Variants in RSPRY1 observed in about 807,000 individuals in gnomAD.
The protein encoded by RSPRY1 is ring finger and SPRY domain containing 1.
Under a neutral mutation model 73.1 loss-of-function variants are expected in RSPRY1, and 23 were observed. The observed-to-expected ratio is 0.31, with a 90% CI of 0.23 to 0.45. The LOEUF (loss-of-function observed/expected upper bound fraction) is 0.45. RSPRY1 is among the 20% of genes least tolerant of loss of function. RSPRY1 has a pLI of 1.00. For missense variants in RSPRY1, 448 were observed against 698.7 expected (o/e 0.64, Z 4.05); for synonymous variants, 226 against 251.4 (o/e 0.90, Z 0.95).
intron 1 of RSPRY1, among the ~76,000 whole-genome samples, chr16:57,198,396 T>A (rs1203934532): frequency 3.4e-5 from 5 of 146,822 alleles, no homozygotes; most frequent in Non-Finnish European, 7.6e-5. Context: ...AAAAAAAAAA[T>A]TGTACTAAAT....
At chr16:57,233,870 C>G (rs2075263271) in intron 13 of RSPRY1, among the ~76,000 whole-genome samples, 1 of 152,152 alleles carries the variant, frequency 6.6e-6, no homozygotes, top group Non-Finnish European at 1.5e-5. Context: ...CATTTCCTAC[C>G]TATATTATTT....
Position 57,209,205 on chromosome 16 carries a change from T to G in RSPRY1, c.516+18T>G. 6.1e-6 allele frequency: 9 copies of G among 1,467,936 alleles called. No individual in the cohort carries two copies. Among genetic ancestry groups the G allele is most frequent in the Non-Finnish European group, 8.5e-6 (9 of 1,053,322 alleles). 90.9% of individuals were successfully genotyped at this position (1,467,936 alleles called of 1,614,324 possible). The stretch of plus-strand genomic sequence containing the variant: ...CCACTAAAGTAAGTTAATACTTATC[T>G]TTTATGAAACTATCATTTGTGCTTA... On this transcript the variant is annotated intron_variant, in intron 4 of 14. Transcript: ENST00000394420.
chr16:57,236,930 G>C (rs1354133737), intron 14 of RSPRY1, among the ~76,000 whole-genome samples: 3 of 152,058 alleles, frequency 2.0e-5, no homozygotes, highest in Non-Finnish European at 2.9e-5. Context: ...ACTTTGGGAG[G>C]CCAAGGCGGG....
At chr16:57,205,047 A>G (rs998885232) in intron 2 of RSPRY1, 39 bp downstream of exon 2, 2 of 1,498,866 alleles carry the variant, frequency 1.3e-6, no homozygotes, top group African/African-American at 1.4e-5. Context: ...GTGGAATGAA[A>G]AGTGTTCTGC....
chr16:57,217,174 A>G (rs946855045), intron 8 of RSPRY1, 139 bp downstream of exon 8: 39 of 864,354 alleles, frequency 4.5e-5, no homozygotes, highest in Non-Finnish European at 7.0e-5. Context: ...GATATATTCT[A>G]GCAGAAAAGT....
At chr16:57,191,408 AT>A (rs2074349676) in intron 1 of RSPRY1, among the ~76,000 whole-genome samples, 1 of 152,210 alleles carries the variant, frequency 6.6e-6, no homozygotes, top group Non-Finnish European at 1.5e-5. Context: ...AACTAGAACA[AT>A]ATTGGAGTTT....
At chr16:57,205,113 T>C in intron 2 of RSPRY1, 105 bp downstream of exon 2, 2 of 772,872 alleles carry the variant, frequency 2.6e-6, no homozygotes, top group Non-Finnish European at 4.2e-6. Context: ...TCGCCAAGCC[T>C]TGTGCTCACA....
chr16:57,231,054 C>A, intron 12 of RSPRY1, 113 bp from the exon 13 acceptor site: 1 of 992,550 alleles, frequency 1.0e-6, no homozygotes, highest in Non-Finnish European at 1.5e-6. Flanking sequence ...GTCACTCTTC[C>A]TTTCTGCCAG....
At chr16:57,237,352 C>T (rs2075315126) in intron 14 of RSPRY1, among the ~76,000 whole-genome samples, 1 of 151,586 alleles carries the variant, frequency 6.6e-6, no homozygotes, top group African/African-American at 2.4e-5. Flanking sequence ...CCATGTTGGC[C>T]AGGCTGGCTC....
In RSPRY1 at chr16:57,204,531, T is replaced by C; in HGVS notation, c.-128T>C. 1 of 779,626 alleles carries C rather than the reference T, an allele frequency of 1.3e-6. No homozygotes were observed. The highest frequency in any genetic ancestry group is 2.1e-6 in the Non-Finnish European group (1 of 473,422). 48.3% of individuals were successfully genotyped at this position (779,626 alleles called of 1,614,324 possible). On this transcript the variant is annotated 5_prime_UTR_variant, in exon 2 of 15. Transcript: ENST00000394420. Reference sequence around the variant, plus strand: ...CTGCCATTGGATGTCCAGAATCCCCTGTAGTTGATAATGTTGGGAATAAGC... The same window carrying C: ...CTGCCATTGGATGTCCAGAATCCCCCGTAGTTGATAATGTTGGGAATAAGC...
intron 10 of RSPRY1, among the ~76,000 whole-genome samples, chr16:57,222,154 A>G (rs1412140622): frequency 1.3e-5 from 2 of 152,196 alleles, no homozygotes; most frequent in Non-Finnish European, 2.9e-5. Flanking sequence ...TGTTAATCTA[A>G]ATAATAGCCC....
intron 6 of RSPRY1, among the ~76,000 whole-genome samples, chr16:57,215,597 A>G (rs746218410): frequency 2.0e-5 from 3 of 152,236 alleles, no homozygotes; most frequent in Non-Finnish European, 2.9e-5. Context: ...TCTCCTGTCT[A>G]CCATCAGCAT....
chr16:57,239,086 C>A lies in RSPRY1; in HGVS notation c.*111C>A. The A allele has an allele frequency of 2.2e-6, 1 of 445,698 alleles. No homozygotes were observed. Among genetic ancestry groups the A allele is most frequent in the Non-Finnish European group, 3.9e-6 (1 of 259,116 alleles). The allele number at this position is 445,698 out of a possible 1,614,324, so 27.6% of individuals were successfully genotyped here. On this transcript the variant is annotated 3_prime_UTR_variant, in exon 15 of 15. Transcript: ENST00000394420. ...GTTGTACACACATTGAAACTTATAG[C>A]CATGGCCAGATTTTATGCTAAAAAT...
rs114906548 is a variant in RSPRY1 at position 57,227,267 on chromosome 16, C to T, written c.1162-75C>T. The T allele has an allele frequency of 2.0e-3, 1,929 of 956,556 alleles. 26 individuals are homozygous for T. The African/African-American group carries it at 0.027, about 13-fold the overall frequency. 59.3% of individuals were successfully genotyped at this position (956,556 alleles called of 1,614,324 possible). ...GAATCCCAGCCATTAGGTCAGTGGT[C>T]GTAAAAGACACACTCTCTGTTCCCA... is the stretch of plus-strand genomic sequence containing the variant. On this transcript the variant is annotated intron_variant, in intron 10 of 14. Coordinates refer to ENST00000394420, the MANE Select transcript of RSPRY1 (RefSeq NM_133368.3).
chr16:57,191,847 A>T (rs1252376588), intron 1 of RSPRY1, among the ~76,000 whole-genome samples: 2 of 152,166 alleles, frequency 1.3e-5, no homozygotes, highest in South Asian at 4.1e-4. Context: ...TTCCTTTTAC[A>T]CTGGAAAACT....
At chr16:57,230,135 C>T (rs762215040) in intron 11 of RSPRY1, among the ~76,000 whole-genome samples, 11 of 151,460 alleles carry the variant, frequency 7.3e-5, no homozygotes, top group African/African-American at 1.2e-4. Flanking sequence ...TTCAGCCTCC[C>T]GAGTAGCTGG....
chr16:57,200,792 GC>G (rs57952896), intron 1 of RSPRY1, among the ~76,000 whole-genome samples: 110,129 of 115,540 alleles, frequency 0.95, 52,542 homozygotes, highest in Middle Eastern at 0.98. Context: ...CTGGGGGCTG[GC>G]CCCCCCCACA....
At chr16:57,207,829 A>G (rs1032282702) in intron 2 of RSPRY1, 5 of 547,440 alleles carry the variant, frequency 9.1e-6, no homozygotes, top group Admixed American at 5.1e-5. Flanking sequence ...GTCTGTATCC[A>G]CCTGCCCATT....
intron 1 of RSPRY1, among the ~76,000 whole-genome samples, chr16:57,197,120 C>T (rs771310691): frequency 2.0e-5 from 3 of 152,016 alleles, no homozygotes; most frequent in Non-Finnish European, 2.9e-5. Context: ...GAAAGTGGGC[C>T]ACGTAAAGCT....
Sources: allele counts gnomAD v4.1 joint callset (sites outside exome capture counted in the v4.1 genomes callset), GRCh38; gene constraint gnomAD v4.1.1; transcripts MANE v1.5; gene names NCBI Gene and HGNC (gene_info 2026-07-23, HGNC 2026-07-21).